NTM: variants seen among roughly 807,000 people sequenced by gnomAD.
NTM encodes the protein IgLON family member 2.
Under a neutral mutation model 42.1 loss-of-function variants are expected in NTM, and 13 were observed. The observed-to-expected ratio is 0.31, with a 90% CI of 0.20 to 0.49. The LOEUF (loss-of-function observed/expected upper bound fraction) is 0.49. Ranked by LOEUF, NTM falls within the 20% of genes least tolerant of loss-of-function variation. The pLI, the probability that NTM is intolerant of heterozygous loss-of-function variation, is 0.99. For synonymous variants in NTM, 187 were observed against 179.2 expected, an observed-to-expected ratio of 1.04 and a Z score of -0.35; for missense variants, 373 against 452.8, an observed-to-expected ratio of 0.82 and a Z score of 1.60.
chr11:132,007,381 G>T (rs554928677), intron 2 of NTM, among the ~76,000 whole-genome samples: 203 of 152,294 alleles, frequency 1.3e-3, no homozygotes, highest in Middle Eastern at 6.8e-3. Context: ...ATGCCAGGCT[G>T]CACAGCAGGA....
chr11:131,837,706 A>G (rs570312375), intron 1 of NTM, among the ~76,000 whole-genome samples: 54 of 152,048 alleles, frequency 3.6e-4, no homozygotes, highest in Admixed American at 1.2e-3. Flanking sequence ...GTTCCTGTGC[A>G]CCCGAGGGCT....
intron 2 of NTM, among the ~76,000 whole-genome samples, chr11:131,920,111 G>T (rs1000308349): frequency 6.6e-6 from 1 of 152,206 alleles, no homozygotes; most frequent in African/African-American, 2.4e-5. Context: ...CATCCAGAAG[G>T]TTCTGTGGAG....
chr11:132,124,382 C>T (rs916779028), intron 2 of NTM, among the ~76,000 whole-genome samples: 3 of 152,170 alleles, frequency 2.0e-5, no homozygotes, highest in Non-Finnish European at 2.9e-5. Context: ...AAACACAGGT[C>T]CCAGCACAGT....
At chr11:132,303,095 A>T (rs2094926346) in intron 4 of NTM, among the ~76,000 whole-genome samples, 1 of 152,238 alleles carries the variant, frequency 6.6e-6, no homozygotes, top group Admixed American at 6.5e-5. Context: ...TAATTCTGTT[A>T]TGATTTTAAA....
At chr11:131,512,255 T>C (rs965928873) in intron 1 of NTM, among the ~76,000 whole-genome samples, 1 of 152,190 alleles carries the variant, frequency 6.6e-6, no homozygotes, top group African/African-American at 2.4e-5. Context: ...GGAAAAATCA[T>C]TTTTGAGTTG....
rs577540105 is a variant in NTM at position 131,602,432 on chromosome 11, A to G, written c.82+231544A>G. Among the ~76,000 whole-genome samples the G allele has an allele frequency of 2.6e-5, 4 of 152,218 alleles. No individual in the cohort carries two copies. In the South Asian group the frequency reaches 8.3e-4, roughly 32 times the overall value. On this transcript the variant is annotated intron_variant, in intron 1 of 8. Transcript: ENST00000683400. The stretch of plus-strand genomic sequence containing the variant: ...CCTTCTCAAAAAGTCGGTCTCCTCA[A>G]TGCTTCCTTTTGATTCCAAGTTCCC...
intron 1 of NTM, among the ~76,000 whole-genome samples, chr11:131,467,764 G>GAAC (rs1952031036): frequency 6.6e-6 from 1 of 152,204 alleles, no homozygotes; most frequent in African/African-American, 2.4e-5. Context: ...TATTTTGGTG[G>GAAC]AGTGTGTGCT....
At chr11:132,076,782 T>C (rs1304971558) in intron 2 of NTM, among the ~76,000 whole-genome samples, 2 of 152,210 alleles carry the variant, frequency 1.3e-5, no homozygotes, top group Admixed American at 6.5e-5. Context: ...TAGGGCTACA[T>C]TGAAGATCAG....
At chr11:131,881,512 C>CACACATA (rs2049512201) in intron 1 of NTM, among the ~76,000 whole-genome samples, 1 of 136,210 alleles carries the variant, frequency 7.3e-6, no homozygotes. Context: ...ACACACACCC[C>CACACATA]CCAAAGCTTT....
chr11:131,716,140 A>G (rs1030813901), intron 1 of NTM, among the ~76,000 whole-genome samples: 1 of 152,196 alleles, frequency 6.6e-6, no homozygotes, highest in African/African-American at 2.4e-5. Context: ...TATGGATGGC[A>G]CTTTCTAGCT....
At chr11:131,749,580 T>A (rs1376583278) in intron 1 of NTM, among the ~76,000 whole-genome samples, 1 of 152,158 alleles carries the variant, frequency 6.6e-6, no homozygotes, top group African/African-American at 2.4e-5. Context: ...CCCTGCATTG[T>A]CACTGTTTTT....
chr11:131,511,108 A>G (rs1046767760), intron 1 of NTM, among the ~76,000 whole-genome samples: 1 of 152,180 alleles, frequency 6.6e-6, no homozygotes, highest in African/African-American at 2.4e-5. Context: ...ATTGAGGGGG[A>G]CAGTGTCCTG....
chr11:131,689,614 G>A (rs1445371687), intron 1 of NTM, among the ~76,000 whole-genome samples: 1 of 152,228 alleles, frequency 6.6e-6, no homozygotes, highest in African/African-American at 2.4e-5. Flanking sequence ...AGGTGGAGGT[G>A]AAGTCCTTTA....
At chr11:132,199,770 G>A (rs1221291461) in intron 3 of NTM, among the ~76,000 whole-genome samples, 1 of 151,384 alleles carries the variant, frequency 6.6e-6, no homozygotes, top group African/African-American at 2.4e-5. Flanking sequence ...AATGCATTTT[G>A]TTCTCCCAAG....
chr11:131,644,336 G>A (rs886227057), intron 1 of NTM, among the ~76,000 whole-genome samples: 14 of 152,156 alleles, frequency 9.2e-5, no homozygotes, highest in East Asian at 3.8e-4. Context: ...TGAACTTCTC[G>A]CTCCAGTGGC....
intron 1 of NTM, among the ~76,000 whole-genome samples, chr11:131,532,581 C>A (rs1455093801): frequency 6.6e-6 from 1 of 152,122 alleles, no homozygotes; most frequent in East Asian, 1.9e-4. Flanking sequence ...AGGTGTATAC[C>A]CAGAAGTGGA....
chr11:131,763,592 T>C (rs2084580655), intron 1 of NTM, among the ~76,000 whole-genome samples: 1 of 151,960 alleles, frequency 6.6e-6, no homozygotes, highest in South Asian at 2.1e-4. Context: ...ATAAAATCCC[T>C]ATACATGTCT....
chr11:131,718,268 A>T (rs368111858), intron 1 of NTM, among the ~76,000 whole-genome samples: 3 of 152,136 alleles, frequency 2.0e-5, no homozygotes, highest in African/African-American at 7.2e-5. Flanking sequence ...TTCTTGAAAG[A>T]GTTTATATAT....
intron 1 of NTM, among the ~76,000 whole-genome samples, chr11:131,372,013 C>G (rs551686512): frequency 2.0e-5 from 3 of 152,300 alleles, no homozygotes; most frequent in South Asian, 2.1e-4. Context: ...GCCCTCTTCT[C>G]CCCCTGCAAT....
Sources: gnomAD v4.1 joint callset for allele counts (sites outside exome capture counted in the v4.1 genomes callset) on GRCh38, gnomAD v4.1.1 for gene constraint, MANE v1.5 for transcripts, NCBI Gene and HGNC (gene_info 2026-07-23, HGNC 2026-07-21) for gene names.